The following RRP12 variants were observed in gnomAD, a reference collection of about 807,000 sequenced individuals.
The protein encoded by RRP12 is ribosomal RNA processing 12 homolog.
Under a neutral mutation model 157.3 loss-of-function variants are expected in RRP12, and 78 were observed. The ratio of observed to expected loss-of-function variants is 0.50; its 90% CI spans 0.41 to 0.60. The LOEUF is 0.60. Ranked by LOEUF, RRP12 falls within the 20% of genes least tolerant of loss-of-function variation. The pLI is 0.00. For missense variants in RRP12, 1,521 were observed against 1,679.9 expected, an observed-to-expected ratio of 0.91 and a Z score of 1.65; for synonymous variants, 726 against 670.9, an observed-to-expected ratio of 1.08 and a Z score of -1.27.
Position 97,370,799 on chromosome 10 carries a change from G to T in RRP12, c.2503-3C>A, listed in dbSNP as rs368989431. On this transcript the variant is annotated splice_polypyrimidine_tract_variant and splice_region_variant and intron_variant, in intron 21 of 33. Coordinates refer to ENST00000370992, the MANE Select transcript of RRP12 (RefSeq NM_015179.4). ...TGTAGGAGGCACTTCAAACGGGGCT[G>T]TGGGCAAAGGGCTACCAGTCAGGAC... The T allele has an allele frequency of 1.2e-6, 2 of 1,613,672 alleles. No homozygotes were observed. Among genetic ancestry groups the T allele is most frequent in the African/African-American group, 2.7e-5 (2 of 75,026 alleles).
intron 12 of RRP12, 94 bp from the exon 13 acceptor site, chr10:97,381,007 C>A: frequency 1.0e-6 from 1 of 990,784 alleles, no homozygotes; most frequent in Non-Finnish European, 1.6e-6. Flanking sequence ...GCTACAGACG[C>A]TAGCTGGCCA....
At position 97,373,646 on chromosome 10, in the gene RRP12, C is replaced by T. The variant is rs1294863194; in HGVS notation, c.1955G>A (p.Ser652Asn). 1 of 1,613,840 alleles carries T rather than the reference C, an allele frequency of 6.2e-7. No individual in the cohort carries two copies. Among genetic ancestry groups the T allele is most frequent in the East Asian group, 2.2e-5 (1 of 44,872 alleles). The change falls in exon 17 of 34, where the codon AGC becomes AAC. Residue 652 changes from serine to asparagine, a missense_variant. Transcript: ENST00000370992. ...GLARTLGMAI[S>N]ERPDLRVTVC... ...GGTGACCCTCAGGTCTGGACGCTCG[C>T]TGATGGCCATGCCCAGCGTCCGTGC...
intron 27 of RRP12, 52 bp from the exon 28 acceptor site, chr10:97,366,673 G>C: frequency 6.3e-7 from 1 of 1,598,928 alleles, no homozygotes; most frequent in East Asian, 2.2e-5. Flanking sequence ...GCGGGGGTCA[G>C]CGGGTATTGC....
intron 17 of RRP12, 91 bp downstream of exon 17, chr10:97,373,484 C>T: frequency 7.3e-7 from 1 of 1,368,280 alleles, no homozygotes; most frequent in Non-Finnish European, 9.8e-7. Context: ...GTTTCTGTGG[C>T]TCTGCCTGGC....
At chr10:97,394,347 AAAAT>A (rs1049265057) in intron 3 of RRP12, among the ~76,000 whole-genome samples, 86 of 152,336 alleles carry the variant, frequency 5.6e-4, no homozygotes, top group African/African-American at 2.0e-3. Context: ...CGTCTCAAAA[AAAAT>A]AAATAAATAA....
intron 24 of RRP12, 62 bp downstream of exon 24, chr10:97,370,105 G>A: frequency 8.4e-7 from 1 of 1,183,666 alleles, no homozygotes; most frequent in South Asian, 1.4e-5. Context: ...ACTTTATCCT[G>A]ACCTTTTGGG....
Position 97,401,258 on chromosome 10 carries a change from G to C in RRP12, c.-27C>G. On this transcript the variant is annotated 5_prime_UTR_variant, in exon 1 of 34. Coordinates refer to ENST00000370992, the MANE Select transcript of RRP12 (RefSeq NM_015179.4). ...TTGACTAAGCCGTGGCGAGGAATGA[G>C]CTTAAATGACCGGCTTCCAGGGACG... 1.2e-6 allele frequency: 2 copies of C among 1,612,908 alleles called. No homozygotes were observed. The highest frequency in any genetic ancestry group is 1.7e-6 in the Non-Finnish European group (2 of 1,178,946).
At chr10:97,368,815 G>T (rs1844059422) in intron 25 of RRP12, among the ~76,000 whole-genome samples, 1 of 152,200 alleles carries the variant, frequency 6.6e-6, no homozygotes, top group Non-Finnish European at 1.5e-5. Context: ...CAGACCCAAA[G>T]AAAATATGCA....
rs200826570 is a variant in RRP12 at position 97,381,531 on chromosome 10, G to A, written c.1321-48C>T. On this transcript the variant is annotated intron_variant, in intron 11 of 33. Coordinates refer to ENST00000370992, the MANE Select transcript of RRP12 (RefSeq NM_015179.4). ...TTCTGGGCCCAAGGCAGCCCCCCAG[G>A]ACCACTCTCCCCTCCCAGGCAACAG... 758 of 1,443,722 alleles carry A rather than the reference G, an allele frequency of 5.3e-4. 5 individuals carry two copies. In the African/African-American group the frequency reaches 8.9e-3, roughly 17 times the overall value. 89.4% of individuals were successfully genotyped at this position (1,443,722 alleles called of 1,614,324 possible). A position where few individuals can be genotyped will look rare whatever the true frequency, so the allele number is the denominator to read the frequency against.
intron 14 of RRP12, 55 bp from the exon 15 acceptor site, chr10:97,379,469 G>T: frequency 6.2e-7 from 1 of 1,609,554 alleles, no homozygotes; most frequent in African/African-American, 1.3e-5. Context: ...CCTGAGGGCA[G>T]TGCATAGCAT....
At chr10:97,383,072 G>C (rs943786079) in intron 10 of RRP12, among the ~76,000 whole-genome samples, 1 of 152,140 alleles carries the variant, frequency 6.6e-6, no homozygotes, top group Non-Finnish European at 1.5e-5. Flanking sequence ...CACTTTGATT[G>C]TTTCTAATGG....
intron 2 of RRP12, among the ~76,000 whole-genome samples, chr10:97,399,103 GTC>G (rs958113960): frequency 2.0e-5 from 3 of 152,028 alleles, no homozygotes; most frequent in Non-Finnish European, 4.4e-5. Flanking sequence ...GAGAAACCCT[GTC>G]TCTATTAAAA....
At chr10:97,361,557 A>G (rs1384643372) in intron 30 of RRP12, among the ~76,000 whole-genome samples, 1 of 152,220 alleles carries the variant, frequency 6.6e-6, no homozygotes, top group Non-Finnish European at 1.5e-5. Flanking sequence ...GCCTGGGCAG[A>G]GCGAACAGGC....
chr10:97,373,271 G>A, intron 17 of RRP12, 71 bp from the exon 18 acceptor site: 4 of 1,482,964 alleles, frequency 2.7e-6, no homozygotes, highest in Non-Finnish European at 3.7e-6. Flanking sequence ...CTGGGGCTGT[G>A]GCCCAGAGGC....
At chr10:97,387,212 A>G (rs1269641976) in intron 8 of RRP12, among the ~76,000 whole-genome samples, 3 of 151,888 alleles carry the variant, frequency 2.0e-5, no homozygotes, top group Admixed American at 6.6e-5. Context: ...TAGTTGCTAC[A>G]CTCTGTTGTC....
chr10:97,378,634 A>T (rs1385772669), intron 15 of RRP12, among the ~76,000 whole-genome samples: 2 of 152,156 alleles, frequency 1.3e-5, no homozygotes, highest in African/African-American at 2.4e-5. Flanking sequence ...AGGCAGGCAG[A>T]TCACCTGAGG....
Position 97,393,708 on chromosome 10 carries a change from T to G in RRP12, c.506A>C (p.Tyr169Ser), listed in dbSNP as rs745359675. Residue 169 changes from tyrosine to serine, a missense_variant, in exon 4 of 34, where the codon TAC (tyrosine) becomes TCC (serine). Transcript: ENST00000370992. ...ESPESLAAVAYLLNLVLKRVP... is the reference protein window; with the variant it reads ...ESPESLAAVASLLNLVLKRVP... ...CCGCTTCAGGACAAGGTTCAGCAGGTAAGCAACGGCGGCCAGGGACTCCGG... is the reference window on the plus strand; with the variant it reads ...CCGCTTCAGGACAAGGTTCAGCAGGGAAGCAACGGCGGCCAGGGACTCCGG... 4 of 1,613,920 alleles carry G rather than the reference T, an allele frequency of 2.5e-6. No homozygotes were observed. The highest frequency in any genetic ancestry group is 3.4e-6 in the Non-Finnish European group (4 of 1,179,996).
Position 97,396,307 on chromosome 10 carries a change from C to A in RRP12, c.370-6G>T. The A allele has an allele frequency of 6.2e-7, 1 of 1,612,450 alleles. No homozygotes were observed. The highest frequency in any genetic ancestry group is 1.1e-5 in the South Asian group (1 of 91,058). Reference sequence around the variant, plus strand: ...GCAGCCAGAACAGCACAGATCTGCACAGGAGGGAGAAAGCACTGTGACTAT... The same window carrying A: ...GCAGCCAGAACAGCACAGATCTGCAAAGGAGGGAGAAAGCACTGTGACTAT... On this transcript the variant is annotated splice_polypyrimidine_tract_variant and splice_region_variant and intron_variant, in intron 2 of 33. Coordinates refer to ENST00000370992, the MANE Select transcript of RRP12 (RefSeq NM_015179.4).
chr10:97,365,271 TG>T (rs1455355691), intron 29 of RRP12, among the ~76,000 whole-genome samples: 1 of 130,446 alleles, frequency 7.7e-6, no homozygotes, highest in African/African-American at 2.8e-5. Context: ...AAGACCTAGG[TG>T]TTTTTTTTTT....
Sources: gnomAD v4.1 joint callset for allele counts (sites outside exome capture counted in the v4.1 genomes callset) on GRCh38, gnomAD v4.1.1 for gene constraint, MANE v1.5 for transcripts, NCBI Gene and HGNC (gene_info 2026-07-23, HGNC 2026-07-21) for gene names.